The following KLHL14 variants were observed in gnomAD, a reference collection of about 807,000 sequenced individuals.
KLHL14 encodes kelch-like protein 14.
KLHL14 carries 22 observed loss-of-function variants against 64.3 expected under a neutral mutation model. That is an observed-to-expected ratio of 0.34 (90% CI 0.24 to 0.49). KLHL14 has a LOEUF of 0.49. Ranked by LOEUF, KLHL14 falls within the 20% of genes least tolerant of loss-of-function variation. The pLI is 0.99. For missense variants in KLHL14, 661 were observed against 789.0 expected (o/e 0.84, Z 1.94); for synonymous variants, 322 against 333.4 (o/e 0.97, Z 0.37).
At chr18:32,761,212 T>A (rs530641148) in intron 2 of KLHL14, among the ~76,000 whole-genome samples, 9 of 152,218 alleles carry the variant, frequency 5.9e-5, no homozygotes, top group African/African-American at 2.2e-4. Flanking sequence ...CTCATTTAGG[T>A]TTATGATTTC....
chr18:32,748,651 G>A (rs1189957322), intron 2 of KLHL14, among the ~76,000 whole-genome samples: 1 of 97,174 alleles, frequency 1.0e-5, no homozygotes, highest in East Asian at 3.6e-4. Context: ...ACCGCACCAG[G>A]CTTTTTTTTT....
chr18:32,714,761 C>A (rs12961920), intron 3 of KLHL14, among the ~76,000 whole-genome samples: 2 of 151,954 alleles, frequency 1.3e-5, no homozygotes, highest in African/African-American at 4.8e-5. Flanking sequence ...GTTCTTTGCT[C>A]ACCCTCCAGA....
At chr18:32,769,565 T>G in intron 2 of KLHL14, 80 bp downstream of exon 2, 14 of 509,052 alleles carry the variant, frequency 2.8e-5, no homozygotes, top group African/African-American at 4.1e-5. Flanking sequence ...ATCTCTTCCC[T>G]CCTCCCTGCC....
intron 3 of KLHL14, among the ~76,000 whole-genome samples, chr18:32,714,701 C>T (rs969420848): frequency 1.3e-5 from 2 of 152,118 alleles, no homozygotes; most frequent in African/African-American, 4.8e-5. Context: ...TCAAACTCGC[C>T]TTTCGTTAAC....
At chr18:32,729,208 T>G (rs1234154489) in intron 3 of KLHL14, among the ~76,000 whole-genome samples, 1 of 152,162 alleles carries the variant, frequency 6.6e-6, no homozygotes, top group African/African-American at 2.4e-5. Flanking sequence ...GGTCACCTAT[T>G]TGTTTCCTTG....
At position 32,695,446 on chromosome 18, in the gene KLHL14, A is replaced by T; in HGVS notation, c.1159+17T>A. ...CATACTTGTTGAGCACCTCCAATTA[A>T]GTTGTTCAATAGTTACCATTCGGAT... On this transcript the variant is annotated intron_variant, in intron 4 of 8. Coordinates refer to ENST00000359358, the MANE Select transcript of KLHL14 (RefSeq NM_020805.3). 2 of 1,527,880 alleles carry T rather than the reference A, an allele frequency of 1.3e-6. No homozygotes were observed. Among genetic ancestry groups the T allele is most frequent in the Non-Finnish European group, 1.8e-6 (2 of 1,101,992 alleles). The allele number at this position is 1,527,880 out of a possible 1,614,324, so 94.6% of individuals were successfully genotyped here.
intron 3 of KLHL14, among the ~76,000 whole-genome samples, chr18:32,727,055 A>T (rs111455316): frequency 6.6e-6 from 1 of 152,214 alleles, no homozygotes; most frequent in Non-Finnish European, 1.5e-5. Context: ...CTGAGCTATA[A>T]AGGGGAGTGA....
chr18:32,720,930 C>T (rs1350363271), intron 3 of KLHL14, among the ~76,000 whole-genome samples: 1 of 152,182 alleles, frequency 6.6e-6, no homozygotes, highest in Non-Finnish European at 1.5e-5. Context: ...CCATTACTCT[C>T]CTCTTCCATA....
At position 32,680,521 on chromosome 18, in the gene KLHL14, G is replaced by A; in HGVS notation, c.1317C>T (p.Ser439=). The A allele has an allele frequency of 6.2e-7, 1 of 1,613,798 alleles. No individual in the cohort carries two copies. The highest frequency in any genetic ancestry group is 8.5e-7 in the Non-Finnish European group (1 of 1,179,880). The change falls in exon 6 of 9, where the codon TCC becomes TCT. Residue 439 remains serine (S), a synonymous_variant. Transcript: ENST00000359358. This position sits in a 1 kb window ranked among gnomAD's most constrained non-coding sequence, Gnocchi z 4.8. ...IGGRNETGYL[S]SVECYNLETN... is the part of the protein sequence containing the mutation. ...TTTCTAGGTTATAGCACTCCACGCT[G>A]GACAAGTAGCCAGTTTCATTCCTTC...
In KLHL14 at chr18:32,680,877, C is replaced by T. The variant is rs951761587; in HGVS notation, c.1239-278G>A. On this transcript the variant is annotated intron_variant, in intron 5 of 8. Transcript: ENST00000359358. The surrounding 1 kb of genome is among the most constrained non-coding windows in gnomAD (Gnocchi z 4.8). ...TCAGCCCTTGTTATCTTGTTTTATACACTGTTAAGTGTTCATTAATATTTG... is the reference window on the plus strand; with the variant it reads ...TCAGCCCTTGTTATCTTGTTTTATATACTGTTAAGTGTTCATTAATATTTG... 6.6e-6 allele frequency among the ~76,000 whole-genome samples: 1 copy of T among 152,084 alleles called. No individual in the cohort carries two copies.
chr18:32,710,894 G>A (rs2050015838), intron 3 of KLHL14, among the ~76,000 whole-genome samples: 1 of 151,810 alleles, frequency 6.6e-6, no homozygotes, highest in African/African-American at 2.4e-5. Flanking sequence ...GCGTGTAGTG[G>A]AGGTGTAAGG....
chr18:32,735,887 A>G (rs941499594), intron 3 of KLHL14, among the ~76,000 whole-genome samples: 1 of 152,186 alleles, frequency 6.6e-6, no homozygotes, highest in African/African-American at 2.4e-5. Context: ...ATGAGTGTGT[A>G]AAATGAGAGG....
At chr18:32,741,667 C>T (rs779732971) in intron 3 of KLHL14, among the ~76,000 whole-genome samples, 16 of 152,110 alleles carry the variant, frequency 1.1e-4, no homozygotes, top group Admixed American at 3.3e-4. Context: ...GCTCCTCCCC[C>T]ACACCCTCCA....
intron 2 of KLHL14, among the ~76,000 whole-genome samples, chr18:32,753,567 G>A (rs922580174): frequency 6.6e-6 from 1 of 152,204 alleles, no homozygotes; most frequent in African/African-American, 2.4e-5. Flanking sequence ...GATGGCAGGG[G>A]CAGATATAAC....
Position 32,673,830 on chromosome 18 carries a change from G to C in KLHL14, c.*827C>G, listed in dbSNP as rs1173020647. 1 of 152,054 alleles carries C rather than the reference G, an allele frequency of 6.6e-6. No individual in the cohort carries two copies. Among genetic ancestry groups the C allele is most frequent in the African/African-American group, 2.4e-5 (1 of 41,404 alleles). 9.4% of individuals were successfully genotyped at this position (152,054 alleles called of 1,614,324 possible). A position where few individuals can be genotyped will look rare whatever the true frequency, so the allele number is the denominator to read the frequency against. ...CAGAATCTCTAAAATAGTATTGACT[G>C]AATTTGTCAATCCTGTCTTTTGAAG... On this transcript the variant is annotated 3_prime_UTR_variant, in exon 9 of 9. Coordinates refer to ENST00000359358, the MANE Select transcript of KLHL14 (RefSeq NM_020805.3).
At position 32,763,317 on chromosome 18, in the gene KLHL14, G is replaced by A. The variant is rs189974888; in HGVS notation, c.947+6328C>T. 1.6e-4 allele frequency among the ~76,000 whole-genome samples: 25 copies of A among 152,140 alleles called. No homozygotes were observed. In the East Asian group the frequency reaches 4.0e-3, roughly 25 times the overall value. On this transcript the variant is annotated intron_variant, in intron 2 of 8. Transcript: ENST00000359358. Reference sequence around the variant, plus strand: ...TCTGGCTTTCTAATGTCTTCCCCTCGTTCTTCATTGGTTGAGTGGCCTGAA... The same window carrying A: ...TCTGGCTTTCTAATGTCTTCCCCTCATTCTTCATTGGTTGAGTGGCCTGAA...
intron 2 of KLHL14, among the ~76,000 whole-genome samples, chr18:32,757,839 A>G (rs1301589799): frequency 1.3e-5 from 2 of 152,168 alleles, no homozygotes; most frequent in East Asian, 3.9e-4. Flanking sequence ...CACACCAAAT[A>G]CCAAGATTTT....
chr18:32,724,671 T>C (rs2050098186), intron 3 of KLHL14, among the ~76,000 whole-genome samples: 1 of 152,212 alleles, frequency 6.6e-6, no homozygotes, highest in South Asian at 2.1e-4. Flanking sequence ...GTCTTGTGTA[T>C]AGAAGTTCTT....
chr18:32,706,276 C>T (rs16963716), intron 3 of KLHL14, among the ~76,000 whole-genome samples: 4,653 of 152,088 alleles, frequency 0.031, 170 homozygotes, highest in African/African-American at 0.083. Flanking sequence ...AGGTGCAGTC[C>T]GTGATCTTAG....
Sources: gnomAD v4.1 joint callset for allele counts (sites outside exome capture counted in the v4.1 genomes callset) on GRCh38, gnomAD v4.1.1 for gene constraint, Gnocchi (gnomAD v3.1) non-coding constraint, MANE v1.5 for transcripts, NCBI Gene and HGNC (gene_info 2026-07-23, HGNC 2026-07-21) for gene names.